Variants in CFAP144 observed in about 807,000 individuals in gnomAD.
The protein encoded by CFAP144 is cilia- and flagella-associated protein 144.
At chr1:43,153,472 T>G in the CFAP144 span, among the ~76,000 whole-genome samples, 1 of 151,994 alleles carries the variant, frequency 6.6e-6, no homozygotes, top group South Asian at 2.1e-4. Context: ...TAGCTGGGCA[T>G]GGTGTCGCAC....
the CFAP144 span, chr1:43,145,178 C>T: frequency 3.1e-4 from 386 of 1,243,288 alleles, 1 homozygote; most frequent in Non-Finnish European, 1.1e-4. Flanking sequence ...AGGTTCTCTA[C>T]GTTTGAGACT....
chr1:43,150,749 C>CT, the CFAP144 span: 16 of 1,599,384 alleles, frequency 1.0e-5, no homozygotes, highest in East Asian at 2.7e-4. Context: ...AAGCTGTTTT[C>CT]TTTTTTTCTA....
the CFAP144 span, chr1:43,152,870 G>A: frequency 6.2e-7 from 1 of 1,613,296 alleles, no homozygotes; most frequent in Non-Finnish European, 8.5e-7. Flanking sequence ...CAGGGACCAA[G>A]GAAGAAGTAC....
At chr1:43,152,838 G>A in the CFAP144 span, 2 of 1,609,608 alleles carry the variant, frequency 1.2e-6, no homozygotes, top group Non-Finnish European at 8.5e-7. Flanking sequence ...CCAGGTTTCT[G>A]AATCTCATTC....
chr1:43,154,019 A>G, the CFAP144 span, among the ~76,000 whole-genome samples: 2 of 102,864 alleles, frequency 1.9e-5, no homozygotes, highest in South Asian at 3.0e-4. Flanking sequence ...TTTTTCTCTA[A>G]CTTTTTTTTC....
chr1:43,154,320 T>C, the CFAP144 span, among the ~76,000 whole-genome samples: 1 of 144,824 alleles, frequency 6.9e-6, no homozygotes, highest in South Asian at 2.2e-4. Flanking sequence ...TAAATAAAAA[T>C]TATTTATATA....
the CFAP144 span, among the ~76,000 whole-genome samples, chr1:43,147,362 C>T: frequency 6.1e-3 from 900 of 147,534 alleles, 4 homozygotes; most frequent in Non-Finnish European, 9.0e-3. Context: ...AATTATATTA[C>T]GTGCATTTTA....
chr1:43,147,744 G>A, the CFAP144 span: 63 of 1,423,296 alleles, frequency 4.4e-5, no homozygotes, highest in Non-Finnish European at 5.5e-5. Context: ...AGGGCGGGGC[G>A]CGAAATAAGA....
the CFAP144 span, chr1:43,145,419 T>C: frequency 1.4e-6 from 1 of 740,380 alleles, no homozygotes; most frequent in Middle Eastern, 3.1e-4. Context: ...GTCTGGTTCC[T>C]CCCAGACTCC....
chr1:43,148,216 AT>A, the CFAP144 span: 1 of 938,452 alleles, frequency 1.1e-6, no homozygotes, highest in South Asian at 1.7e-5. Context: ...CCTTTCCTAG[AT>A]TTCAGGAACC....
the CFAP144 span, chr1:43,145,113 C>A: frequency 3.0e-6 from 2 of 675,384 alleles, no homozygotes; most frequent in South Asian, 3.6e-5. Context: ...CAGAGATTTC[C>A]TTTTTTTTGA....
the CFAP144 span, among the ~76,000 whole-genome samples, chr1:43,153,723 G>T: frequency 2.0e-5 from 3 of 151,290 alleles, no homozygotes; most frequent in Non-Finnish European, 4.4e-5. Context: ...GTGAGTAAGG[G>T]TCCTCTCCTT....
the CFAP144 span, chr1:43,156,108 G>C: frequency 2.1e-6 from 2 of 940,110 alleles, no homozygotes; most frequent in Non-Finnish European, 3.5e-6. Context: ...CACAGGCTGG[G>C]AGGGTGGAGC....
chr1:43,144,405 C>G, the CFAP144 span, among the ~76,000 whole-genome samples: 1 of 152,120 alleles, frequency 6.6e-6, no homozygotes, highest in Non-Finnish European at 1.5e-5. Context: ...TGGCCACATC[C>G]CAATGACTCA....
chr1:43,147,854 C>T, the CFAP144 span: 1 of 1,555,990 alleles, frequency 6.4e-7, no homozygotes, highest in Non-Finnish European at 8.7e-7. Flanking sequence ...GCGCTGTTGC[C>T]TGGAGACCAC....
At chr1:43,146,146 T>A in the CFAP144 span, among the ~76,000 whole-genome samples, 3 of 152,350 alleles carry the variant, frequency 2.0e-5, no homozygotes, top group South Asian at 4.1e-4. Flanking sequence ...ATATTAATAG[T>A]TCTGCCCACA....
chr1:43,156,219 G>T, the CFAP144 span: 8 of 1,613,876 alleles, frequency 5.0e-6, no homozygotes, highest in African/African-American at 2.7e-5. Flanking sequence ...AACCCAGAAC[G>T]CCATGACCGC....
the CFAP144 span, among the ~76,000 whole-genome samples, chr1:43,155,364 C>T: frequency 1.3e-5 from 2 of 152,236 alleles, no homozygotes; most frequent in Admixed American, 6.5e-5. Context: ...CCTTCCAGGA[C>T]ATCTCGTGCA....
chr1:43,147,693 C>A, the CFAP144 span: 8 of 854,086 alleles, frequency 9.4e-6, no homozygotes, highest in Non-Finnish European at 1.1e-5. Flanking sequence ...AGTAACCAGC[C>A]GGGCCTGAGG....
Sources: allele counts gnomAD v4.1 joint callset (sites outside exome capture counted in the v4.1 genomes callset), GRCh38; gene constraint gnomAD v4.1.1; transcripts MANE v1.5; gene names NCBI Gene and HGNC (gene_info 2026-07-23, HGNC 2026-07-21).